The following SDK1 variants were observed in gnomAD, a reference collection of about 807,000 sequenced individuals.
The protein encoded by SDK1 is protein sidekick-1.
Under a neutral mutation model 245.5 loss-of-function variants are expected in SDK1, and 157 were observed. The observed-to-expected ratio is 0.64, with a 90% CI of 0.56 to 0.73. The LOEUF (loss-of-function observed/expected upper bound fraction) is 0.73. Ranked by LOEUF, SDK1 falls within the 30% of genes least tolerant of loss-of-function variation. The pLI is 0.00. For missense variants in SDK1, 3,583 were observed against 3,002.3 expected (o/e 1.19, Z -4.52); for synonymous variants, 1,647 against 1,278.5 (o/e 1.29, Z -6.15).
At chr7:3,562,103 G>A (rs1161096924) in intron 1 of SDK1, among the ~76,000 whole-genome samples, 4 of 152,166 alleles carry the variant, frequency 2.6e-5, no homozygotes, top group Non-Finnish European at 5.9e-5. Context: ...TCTACAATGT[G>A]TTGCCTCAGA....
chr7:3,789,157 T>G lies in SDK1; in HGVS notation c.714-32293T>G, dbSNP rs980847561. Among the ~76,000 whole-genome samples the G allele has an allele frequency of 5.3e-4, 80 of 150,958 alleles. 1 individual carries two copies. The highest frequency in any genetic ancestry group is 1.9e-3 in the African/African-American group (79 of 41,330). On this transcript the variant is annotated intron_variant, in intron 4 of 44. Coordinates refer to ENST00000404826, the MANE Select transcript of SDK1 (RefSeq NM_152744.4). ...GAAAGTAATTCCACTTGTAGCTGCTTTTTTTTTTGGACGGAGTTTCACTCC... is the reference window on the plus strand; with the variant it reads ...GAAAGTAATTCCACTTGTAGCTGCTGTTTTTTTTGGACGGAGTTTCACTCC...
At chr7:3,612,577 C>G (rs535266197) in intron 1 of SDK1, among the ~76,000 whole-genome samples, 11 of 152,136 alleles carry the variant, frequency 7.2e-5, no homozygotes, top group Admixed American at 2.0e-4. Context: ...CTGCCCTGTG[C>G]TTTTGTTTCT....
intron 2 of SDK1, among the ~76,000 whole-genome samples, chr7:3,623,050 A>T (rs1029680259): frequency 1.3e-5 from 2 of 152,122 alleles, no homozygotes; most frequent in African/African-American, 4.8e-5. Context: ...AAAAACATGG[A>T]TACTTTATGA....
chr7:4,262,226 A>T (rs1006666970), intron 44 of SDK1, among the ~76,000 whole-genome samples: 1 of 150,892 alleles, frequency 6.6e-6, no homozygotes, highest in African/African-American at 2.4e-5. Context: ...TTTAGCAGAG[A>T]CAGGTTTCAC....
intron 9 of SDK1, among the ~76,000 whole-genome samples, chr7:3,964,305 A>C (rs137995830): frequency 6.6e-6 from 1 of 152,192 alleles, no homozygotes; most frequent in African/African-American, 2.4e-5. Flanking sequence ...CCCCGGCCCT[A>C]GTACCCTCCT....
intron 17 of SDK1, among the ~76,000 whole-genome samples, chr7:4,028,011 A>G (rs1306773373): frequency 6.6e-6 from 1 of 152,082 alleles, no homozygotes; most frequent in Non-Finnish European, 1.5e-5. Flanking sequence ...AGAGGAAGGT[A>G]GGCAATTAGG....
intron 1 of SDK1, among the ~76,000 whole-genome samples, chr7:3,324,076 TCA>T (rs778128850): frequency 9.2e-5 from 14 of 152,224 alleles, no homozygotes; most frequent in Non-Finnish European, 1.9e-4. Context: ...CTGTTGGCCC[TCA>T]CAGTAAAATC....
chr7:3,638,587 GAAAAC>G (rs1782543200), intron 2 of SDK1, among the ~76,000 whole-genome samples: 1 of 135,230 alleles, frequency 7.4e-6, no homozygotes, highest in African/African-American at 2.8e-5. Context: ...TGAACAGTGA[GAAAAC>G]ATGGACACAG....
chr7:4,217,919 T>C (rs1784924095), intron 38 of SDK1, among the ~76,000 whole-genome samples: 1 of 152,116 alleles, frequency 6.6e-6, no homozygotes, highest in African/African-American at 2.4e-5. Flanking sequence ...GGAAGGCATT[T>C]TTAACAATGA....
intron 10 of SDK1, 44 bp from the exon 11 acceptor site, chr7:3,969,213 A>G (rs1782299166): frequency 6.8e-7 from 1 of 1,475,308 alleles, no homozygotes; most frequent in Admixed American, 2.1e-5. Context: ...ATTTCCTTCA[A>G]GCGTTACGAC....
At chr7:3,546,663 G>A (rs916227615) in intron 1 of SDK1, among the ~76,000 whole-genome samples, 28 of 152,206 alleles carry the variant, frequency 1.8e-4, no homozygotes, top group African/African-American at 3.4e-4. Flanking sequence ...CAGGGGGGAC[G>A]TCTCCCAAAC....
intron 4 of SDK1, among the ~76,000 whole-genome samples, chr7:3,648,350 A>G (rs990298189): frequency 1.3e-5 from 2 of 152,206 alleles, no homozygotes; most frequent in African/African-American, 4.8e-5. Flanking sequence ...TGCATCCTGT[A>G]GCCTACCTGA....
intron 4 of SDK1, among the ~76,000 whole-genome samples, chr7:3,726,971 A>G (rs1779028155): frequency 6.6e-6 from 1 of 152,232 alleles, no homozygotes; most frequent in Admixed American, 6.5e-5. Flanking sequence ...CATACTAATC[A>G]AACTGTAATT....
chr7:3,674,184 A>T (rs1783815349), intron 4 of SDK1, among the ~76,000 whole-genome samples: 1 of 152,202 alleles, frequency 6.6e-6, no homozygotes, highest in East Asian at 1.9e-4. Flanking sequence ...AGATAAGGGA[A>T]AGACAGCATC....
At chr7:3,872,712 G>C (rs1780987087) in intron 5 of SDK1, among the ~76,000 whole-genome samples, 1 of 151,660 alleles carries the variant, frequency 6.6e-6, no homozygotes, top group Admixed American at 6.6e-5. Flanking sequence ...TTTTCAAAGA[G>C]TAGCTTTTGG....
chr7:3,622,734 C>G (rs375632236), intron 2 of SDK1, among the ~76,000 whole-genome samples: 2 of 152,078 alleles, frequency 1.3e-5, no homozygotes, highest in Non-Finnish European at 2.9e-5. Flanking sequence ...TATATGTGGA[C>G]TATTAAAATA....
At chr7:3,820,635 A>G (rs147285800) in intron 4 of SDK1, among the ~76,000 whole-genome samples, 7 of 152,322 alleles carry the variant, frequency 4.6e-5, no homozygotes, top group East Asian at 1.9e-4. Flanking sequence ...GAGTCTTTCT[A>G]TGGTATGATT....
chr7:3,805,701 T>G (rs930950738), intron 4 of SDK1, among the ~76,000 whole-genome samples: 1 of 152,166 alleles, frequency 6.6e-6, no homozygotes, highest in African/African-American at 2.4e-5. Flanking sequence ...AGTGAATTAG[T>G]GAACAAATGT....
intron 28 of SDK1, chr7:4,134,673 T>G (rs1027687471): frequency 6.6e-6 from 1 of 152,402 alleles, no homozygotes; most frequent in African/African-American, 2.4e-5. Flanking sequence ...GGCCCCTGGC[T>G]CCCACTGCCG....
Sources: allele counts gnomAD v4.1 joint callset (sites outside exome capture counted in the v4.1 genomes callset), GRCh38; gene constraint gnomAD v4.1.1; transcripts MANE v1.5; gene names NCBI Gene and HGNC (gene_info 2026-07-23, HGNC 2026-07-21).